Variants in ZBTB8B observed in about 807,000 individuals in gnomAD.
The protein encoded by ZBTB8B is zinc finger and BTB domain containing 8B.
Under a neutral mutation model 30.3 loss-of-function variants are expected in ZBTB8B, and 17 were observed. The observed-to-expected ratio is 0.56, with a 90% CI of 0.38 to 0.84. The LOEUF (loss-of-function observed/expected upper bound fraction) is 0.84. Ranked by LOEUF, ZBTB8B falls within the 40% of genes least tolerant of loss-of-function variation. The pLI is 0.00. For missense variants in ZBTB8B, 515 were observed against 644.9 expected, an observed-to-expected ratio of 0.80 and a Z score of 2.18; for synonymous variants, 248 against 255.6, an observed-to-expected ratio of 0.97 and a Z score of 0.28.
Position 32,473,335 on chromosome 1 carries a change from A to G in ZBTB8B, c.991+1720A>G, listed in dbSNP as rs1213475066. ...AAAAAAAGAAAGAAAGAAAGAAAAG[A>G]AAAGGAAAAAAATACCAGAACCTCA... is the stretch of plus-strand genomic sequence containing the variant. On this transcript the variant is annotated intron_variant, in intron 2 of 3. Coordinates refer to ENST00000609129, the MANE Select transcript of ZBTB8B (RefSeq NM_001145720.2). Among the ~76,000 whole-genome samples, 4 of 152,018 alleles carry G rather than the reference A, an allele frequency of 2.6e-5. No individual in the cohort carries two copies. The East Asian group carries it at 5.8e-4, about 22-fold the overall frequency.
chr1:32,469,993 C>G (rs1184957908), intron 1 of ZBTB8B, among the ~76,000 whole-genome samples: 4 of 152,086 alleles, frequency 2.6e-5, no homozygotes, highest in Non-Finnish European at 4.4e-5. Flanking sequence ...TCAAGCGATT[C>G]TCCCACCTCA....
rs186767376 is a variant in ZBTB8B, at chr1:32,485,118, T to C, written c.1188T>C (p.Arg396=). Residue 396 remains arginine, a synonymous_variant, in exon 4 of 4, where the codon CGT becomes CGC. Coordinates refer to ENST00000609129, the MANE Select transcript of ZBTB8B (RefSeq NM_001145720.2). ...GATTACAGGTCCACAGATCCAACCGTCCAATCATCTGCAAGGGCTGCAGGA... is the reference window on the plus strand; with the variant it reads ...GATTACAGGTCCACAGATCCAACCGCCCAATCATCTGCAAGGGCTGCAGGA... ...SHALSVHRSN[R]PIICKGCRRT... 3.5e-4 allele frequency: 550 copies of C among 1,552,070 alleles called. 2 individuals are homozygous for C. In the African/African-American group the frequency reaches 7.0e-3, roughly 20 times the overall value.
Position 32,492,709 on chromosome 1 carries a change from A to G in ZBTB8B, c.*7291A>G, listed in dbSNP as rs1643788016. On this transcript the variant is annotated 3_prime_UTR_variant, in exon 4 of 4. Transcript: ENST00000609129. ...ATGGCTGGTTACTCATTCAGTAGTT[A>G]TCAAACAATTATTTATGGAGTCTTT... The G allele has an allele frequency of 6.6e-6, 1 of 152,238 alleles. No homozygotes were observed. The highest frequency in any genetic ancestry group is 6.5e-5 in the Admixed American group (1 of 15,282). 9.4% of individuals were successfully genotyped at this position (152,238 alleles called of 1,614,324 possible).
intron 2 of ZBTB8B, among the ~76,000 whole-genome samples, chr1:32,475,717 G>A (rs1643660155): frequency 6.6e-6 from 1 of 152,100 alleles, no homozygotes; most frequent in Non-Finnish European, 1.5e-5. Context: ...TGGGAGATCA[G>A]GGAGGCATCC....
intron 2 of ZBTB8B, among the ~76,000 whole-genome samples, chr1:32,479,489 C>G (rs530665114): frequency 6.6e-6 from 1 of 152,130 alleles, no homozygotes; most frequent in African/African-American, 2.4e-5. Context: ...TGTCACTGCA[C>G]TCCAGCCTGG....
rs1488191094 is a variant in ZBTB8B at position 32,494,057 on chromosome 1, C to G, written c.*8639C>G. 1 of 151,614 alleles carries G rather than the reference C, an allele frequency of 6.6e-6. No individual in the cohort carries two copies. Among genetic ancestry groups the G allele is most frequent in the Non-Finnish European group, 1.5e-5 (1 of 67,962 alleles). The allele number at this position is 151,614 out of a possible 1,614,324, so 9.4% of individuals were successfully genotyped here. A position where few individuals can be genotyped will look rare whatever the true frequency, so the allele number is the denominator to read the frequency against. On this transcript the variant is annotated 3_prime_UTR_variant, in exon 4 of 4. Transcript: ENST00000609129. ...CTCTACTAAAAATATACAAAATTAGCCTGTAATTCCAGCTACTTGGGAAGC... is the reference window on the plus strand; with the variant it reads ...CTCTACTAAAAATATACAAAATTAGGCTGTAATTCCAGCTACTTGGGAAGC...
chr1:32,480,241 C>T (rs1643694338), intron 2 of ZBTB8B, among the ~76,000 whole-genome samples: 1 of 150,806 alleles, frequency 6.6e-6, no homozygotes, highest in Non-Finnish European at 1.5e-5. Flanking sequence ...CCCACTGTGT[C>T]CTCACATAGC....
At position 32,470,499 on chromosome 1, in the gene ZBTB8B, CAAAAAAA is replaced by C. The variant is rs60700558; in HGVS notation, c.-41-64_-41-58del. ...TGGGCAACAGAGCAAGACGCTGACT[CAAAAAAA>C]AAAAAAAAAAAAAAAAAAAAGAAAT... On this transcript the variant is annotated intron_variant, in intron 1 of 3. Coordinates refer to ENST00000609129, the MANE Select transcript of ZBTB8B (RefSeq NM_001145720.2). 4.1e-3 allele frequency: 1,476 copies of C among 358,784 alleles called. 5 individuals carry two copies. Among genetic ancestry groups the C allele is most frequent in the East Asian group, 0.026 (285 of 10,994 alleles). The allele number at this position is 358,784 out of a possible 1,614,324, so 22.2% of individuals were successfully genotyped here. A position where few individuals can be genotyped will look rare whatever the true frequency, so the allele number is the denominator to read the frequency against.
At chr1:32,466,736 A>G (rs1003137743) in intron 1 of ZBTB8B, among the ~76,000 whole-genome samples, 1 of 152,138 alleles carries the variant, frequency 6.6e-6, no homozygotes, top group Non-Finnish European at 1.5e-5. Context: ...CTATTTCTGG[A>G]AAGGAGGCTT....
At chr1:32,466,390 G>A (rs1274965537) in intron 1 of ZBTB8B, among the ~76,000 whole-genome samples, 4 of 152,210 alleles carry the variant, frequency 2.6e-5, no homozygotes, top group Non-Finnish European at 5.9e-5. Context: ...GTATGTAGCC[G>A]GTAACCGTTG....
chr1:32,496,648 TA>T lies in ZBTB8B; in HGVS notation c.*11234del, dbSNP rs1315117212. The T allele has an allele frequency of 1.3e-5, 2 of 152,212 alleles. No individual in the cohort carries two copies. The highest frequency in any genetic ancestry group is 2.9e-5 in the Non-Finnish European group (2 of 68,036). The allele number at this position is 152,212 out of a possible 1,614,324, so 9.4% of individuals were successfully genotyped here. A position where few individuals can be genotyped will look rare whatever the true frequency, so the allele number is the denominator to read the frequency against. ...TTTTACTTTTTTATATATAAAGAACTAAAATTACGAGAGAATAAATTCGTGG... is the reference window on the plus strand; with the variant it reads ...TTTTACTTTTTTATATATAAAGAACTAAATTACGAGAGAATAAATTCGTGG... On this transcript the variant is annotated 3_prime_UTR_variant, in exon 4 of 4. Transcript: ENST00000609129.
At position 32,491,462 on chromosome 1, in the gene ZBTB8B, T is replaced by C. The variant is rs1354906402; in HGVS notation, c.*6044T>C. 1 of 152,204 alleles carries C rather than the reference T, an allele frequency of 6.6e-6. No individual in the cohort carries two copies. The highest frequency in any genetic ancestry group is 2.4e-5 in the African/African-American group (1 of 41,450). The allele number at this position is 152,204 out of a possible 1,614,324, so 9.4% of individuals were successfully genotyped here. On this transcript the variant is annotated 3_prime_UTR_variant, in exon 4 of 4. Transcript: ENST00000609129. ...GGCATCAGATTCACTTAAAAGGATATAGAATGGGAAGCACTGCTTACTAGC... is the reference window on the plus strand; with the variant it reads ...GGCATCAGATTCACTTAAAAGGATACAGAATGGGAAGCACTGCTTACTAGC...
chr1:32,482,965 G>A (rs1570262212), intron 3 of ZBTB8B, among the ~76,000 whole-genome samples: 1 of 151,844 alleles, frequency 6.6e-6, no homozygotes, highest in African/African-American at 2.4e-5. Flanking sequence ...CGCTAATTGT[G>A]GGTGGCTCTC....
intron 1 of ZBTB8B, among the ~76,000 whole-genome samples, chr1:32,468,047 C>T (rs367960515): frequency 1.9e-4 from 28 of 149,972 alleles, no homozygotes; most frequent in African/African-American, 6.1e-4. Context: ...GCCAGGGAGG[C>T]GGAGGTCAGA....
At position 32,487,007 on chromosome 1, in the gene ZBTB8B, G is replaced by A. The variant is rs564371727; in HGVS notation, c.*1589G>A. ...AAAGGGCAGGCAGTGTTAGGAATTC[G>A]GAATGTAATTGAAGGCAATTTCCAT... is the stretch of plus-strand genomic sequence containing the variant. On this transcript the variant is annotated 3_prime_UTR_variant, in exon 4 of 4. Transcript: ENST00000609129. The A allele has an allele frequency of 6.6e-5, 10 of 152,214 alleles. No individual in the cohort carries two copies. Among genetic ancestry groups the A allele is most frequent in the Admixed American group, 3.3e-4 (5 of 15,286 alleles). 9.4% of individuals were successfully genotyped at this position (152,214 alleles called of 1,614,324 possible).
chr1:32,495,231 T>A lies in ZBTB8B; in HGVS notation c.*9813T>A, dbSNP rs1643809386. The A allele has an allele frequency of 6.6e-6, 1 of 152,218 alleles. No homozygotes were observed. The highest frequency in any genetic ancestry group is 2.1e-4 in the South Asian group (1 of 4,832). 9.4% of individuals were successfully genotyped at this position (152,218 alleles called of 1,614,324 possible). ...GATGGTATTGAGTAAAAATGTATTC[T>A]TAGGTATTTCTTGACTCAGTGGATT... is the stretch of plus-strand genomic sequence containing the variant. On this transcript the variant is annotated 3_prime_UTR_variant, in exon 4 of 4. Transcript: ENST00000609129.
At chr1:32,473,653 C>T (rs921028221) in intron 2 of ZBTB8B, among the ~76,000 whole-genome samples, 9 of 151,706 alleles carry the variant, frequency 5.9e-5, no homozygotes, top group East Asian at 1.9e-4. Flanking sequence ...GCTGTGATTA[C>T]GGGCATACAC....
rs1330129888 is a variant in ZBTB8B at position 32,471,149 on chromosome 1, G to C, written c.525G>C (p.Leu175Phe). ...REGTSCGTKS[L>F]VSSPAEGEKS... Reference sequence around the variant, plus strand: ...GGACCTCCTGTGGTACCAAGAGCTTGGTCTCCTCTCCAGCCGAGGGAGAAA... The same window carrying C: ...GGACCTCCTGTGGTACCAAGAGCTTCGTCTCCTCTCCAGCCGAGGGAGAAA... The change falls in exon 2 of 4, where the codon TTG (leucine) becomes TTC (phenylalanine). Residue 175 changes from leucine to phenylalanine, a missense_variant. By Grantham distance (22) the Leu-to-Phe change is conservative. Transcript: ENST00000609129. 2.6e-6 allele frequency: 4 copies of C among 1,551,754 alleles called. 1 individual carries two copies. The highest frequency in any genetic ancestry group is 1.7e-4 in the Middle Eastern group (1 of 5,992).
chr1:32,491,788 T>A lies in ZBTB8B; in HGVS notation c.*6370T>A, dbSNP rs560850179. 6.6e-6 allele frequency: 1 copy of A among 152,240 alleles called. No individual in the cohort carries two copies. Among genetic ancestry groups the A allele is most frequent in the Non-Finnish European group, 1.5e-5 (1 of 68,048 alleles). 9.4% of individuals were successfully genotyped at this position (152,240 alleles called of 1,614,324 possible). On this transcript the variant is annotated 3_prime_UTR_variant, in exon 4 of 4. Coordinates refer to ENST00000609129, the MANE Select transcript of ZBTB8B (RefSeq NM_001145720.2). ...CAGTTTACCAATTGGGCATCATGTCTACCATATGTAACATTGCCTAGCAGT... is the reference window on the plus strand; with the variant it reads ...CAGTTTACCAATTGGGCATCATGTCAACCATATGTAACATTGCCTAGCAGT...
Sources: gnomAD v4.1 joint callset for allele counts (sites outside exome capture counted in the v4.1 genomes callset) on GRCh38, gnomAD v4.1.1 for gene constraint, MANE v1.5 for transcripts, NCBI Gene and HGNC (gene_info 2026-07-23, HGNC 2026-07-21) for gene names.